Variants in OPHN1 observed in about 807,000 individuals in gnomAD.
The protein encoded by OPHN1 is oligophrenin-1.
Under a neutral mutation model 60.7 loss-of-function variants are expected in OPHN1, and 11 were observed. The ratio of observed to expected loss-of-function variants is 0.18; its 90% CI spans 0.11 to 0.30. The LOEUF (loss-of-function observed/expected upper bound fraction) is 0.30. OPHN1 is among the 10% of genes least tolerant of loss of function. The pLI, the probability that OPHN1 is intolerant of heterozygous loss-of-function variation, is 1.00. For synonymous variants in OPHN1, 226 were observed against 222.6 expected (o/e 1.02, Z -0.14); for missense variants, 449 against 611.0 (o/e 0.73, Z 2.80).
intron 2 of OPHN1, among the ~76,000 whole-genome samples, chrX:68,412,776 T>G (rs2078775455): frequency 8.9e-6 from 1 of 111,940 alleles, no homozygotes; most frequent in Non-Finnish European, 1.9e-5. Flanking sequence ...AGAACTTGCC[T>G]AAAATGGTAC....
At chrX:68,185,930 T>C (rs1471959952) in intron 15 of OPHN1, among the ~76,000 whole-genome samples, 1 of 111,308 alleles carries the variant, frequency 9.0e-6, no homozygotes, top group Admixed American at 9.6e-5. Flanking sequence ...CCAAAGTTAA[T>C]ATATTCTCCT....
chrX:68,165,967 G>A (rs949290529), intron 15 of OPHN1, among the ~76,000 whole-genome samples: 3 of 112,119 alleles, frequency 2.7e-5, no homozygotes, highest in African/African-American at 9.7e-5. Context: ...AAGCCTACTC[G>A]AGGAATTGTG....
At chrX:68,067,986 T>C (rs1395053663) in intron 20 of OPHN1, among the ~76,000 whole-genome samples, 1 of 111,862 alleles carries the variant, frequency 8.9e-6, no homozygotes, top group Non-Finnish European at 1.9e-5. Context: ...CTCATCATCT[T>C]TGAGCTTCCA....
At chrX:68,164,134 A>C (rs772750641) in intron 15 of OPHN1, among the ~76,000 whole-genome samples, 54 of 111,363 alleles carry the variant, frequency 4.8e-4, no homozygotes, top group Non-Finnish European at 9.1e-4. Flanking sequence ...TAATGTGTCC[A>C]AGGTCAAAAA....
intron 15 of OPHN1, among the ~76,000 whole-genome samples, chrX:68,172,970 C>A (rs1379758008): frequency 9.0e-6 from 1 of 111,100 alleles, no homozygotes; most frequent in Non-Finnish European, 1.9e-5. Context: ...CTGATGACCA[C>A]CTCCCTATGG....
chrX:68,242,054 C>A (rs1442342621), intron 5 of OPHN1, among the ~76,000 whole-genome samples: 1 of 110,562 alleles, frequency 9.0e-6, no homozygotes, highest in African/African-American at 3.3e-5. Context: ...ATTGGAAATG[C>A]AAATCAAAAT....
At chrX:68,221,003 C>A (rs1054353126) in intron 6 of OPHN1, among the ~76,000 whole-genome samples, 7 of 103,323 alleles carry the variant, frequency 6.8e-5, no homozygotes, top group African/African-American at 2.0e-4. Flanking sequence ...TCCCTGTTTG[C>A]AGACGACATG....
At chrX:68,332,308 G>C (rs959850684) in intron 2 of OPHN1, among the ~76,000 whole-genome samples, 3 of 111,302 alleles carry the variant, frequency 2.7e-5, no homozygotes, top group Non-Finnish European at 5.6e-5. Flanking sequence ...GCTGGGGTTA[G>C]AGACATGGTG....
intron 15 of OPHN1, among the ~76,000 whole-genome samples, chrX:68,174,466 A>T (rs868319305): frequency 1.5e-5 from 1 of 66,753 alleles, no homozygotes; most frequent in Non-Finnish European, 2.7e-5. Context: ...TTATTAACTT[A>T]TTCTTTTTTT....
intron 5 of OPHN1, among the ~76,000 whole-genome samples, chrX:68,242,220 A>AC (rs2077785027): frequency 9.4e-6 from 1 of 105,965 alleles, no homozygotes; most frequent in South Asian, 4.2e-4. Flanking sequence ...TCTACAAAAA[A>AC]AAAAAAAAAA....
rs1366966984 is a variant in OPHN1, at chrX:68,052,609, C to A, written c.2325-19G>T. On this transcript the variant is annotated intron_variant, in intron 22 of 24. Transcript: ENST00000355520. ...AGCCACCCTGCAAACAGAAGCCAAC[C>A]AAGTCCCATAAGTTGCTTTGGTATA... The A allele has an allele frequency of 1.7e-6, 2 of 1,201,543 alleles. No individual in the cohort carries two copies. The highest frequency in any genetic ancestry group is 2.3e-6 in the Non-Finnish European group (2 of 888,624).
chrX:68,167,987 A>C (rs1179234408), intron 15 of OPHN1, among the ~76,000 whole-genome samples: 1 of 111,258 alleles, frequency 9.0e-6, no homozygotes, highest in Non-Finnish European at 1.9e-5. Context: ...AAAGACAAAC[A>C]TCATATGTTC....
chrX:68,353,488 C>A (rs890914776), intron 2 of OPHN1, among the ~76,000 whole-genome samples: 6 of 106,570 alleles, frequency 5.6e-5, no homozygotes, highest in Non-Finnish European at 7.7e-5. Context: ...GCAGGAGAAT[C>A]GCTTGAACCC....
intron 20 of OPHN1, chrX:68,071,350 C>T (rs2076933762): frequency 1.4e-6 from 1 of 734,997 alleles, no homozygotes; most frequent in Admixed American, 2.2e-5. Flanking sequence ...GGCGGGCTCA[C>T]TTTAACCTTG....
intron 9 of OPHN1, 98 bp downstream of exon 9, chrX:68,210,055 G>C (rs2077577742): frequency 2.2e-6 from 2 of 890,027 alleles, no homozygotes; most frequent in Non-Finnish European, 3.2e-6. Flanking sequence ...GCTATCAGGG[G>C]TCTATGAACA....
chrX:68,223,053 A>C (rs1443984048), intron 6 of OPHN1, among the ~76,000 whole-genome samples: 1 of 112,136 alleles, frequency 8.9e-6, no homozygotes, highest in African/African-American at 3.2e-5. Flanking sequence ...AAAGATGCAG[A>C]TGTGGTTAAA....
intron 18 of OPHN1, among the ~76,000 whole-genome samples, chrX:68,105,205 G>A (rs188886773): frequency 1.7e-4 from 19 of 110,844 alleles, no homozygotes; most frequent in African/African-American, 4.6e-4. Flanking sequence ...TTACTCTGTC[G>A]GTGGGAGCAT....
chrX:68,278,634 C>G (rs2147599471), intron 4 of OPHN1, among the ~76,000 whole-genome samples: 1 of 113,389 alleles, frequency 8.8e-6, no homozygotes, highest in African/African-American at 3.2e-5. Context: ...GCCTGTAATC[C>G]CAGCACTTTG....
chrX:68,386,163 G>A (rs1196374456), intron 2 of OPHN1, among the ~76,000 whole-genome samples: 3 of 111,728 alleles, frequency 2.7e-5, no homozygotes, highest in African/African-American at 3.3e-5. Flanking sequence ...TAATTCCAAG[G>A]ACTTAACCAT....
Sources: allele counts gnomAD v4.1 joint callset (sites outside exome capture counted in the v4.1 genomes callset), GRCh38; gene constraint gnomAD v4.1.1; transcripts MANE v1.5; gene names NCBI Gene and HGNC (gene_info 2026-07-23, HGNC 2026-07-21).